Variants in SHISAL1 observed in about 807,000 individuals in gnomAD.
SHISAL1 encodes protein shisa-like-1.
SHISAL1 carries 9 observed loss-of-function variants against 22.6 expected under a neutral mutation model. The observed-to-expected ratio is 0.40, with a 90% CI of 0.24 to 0.70. SHISAL1 has a LOEUF of 0.70. SHISAL1 is among the 30% of genes least tolerant of loss of function. The pLI is 0.39. For synonymous variants in SHISAL1, 119 were observed against 115.4 expected, an observed-to-expected ratio of 1.03 and a Z score of -0.20; for missense variants, 246 against 270.6, an observed-to-expected ratio of 0.91 and a Z score of 0.64.
chr22:44,292,782 C>A (rs1017668809), intron 3 of SHISAL1, among the ~76,000 whole-genome samples: 2 of 152,254 alleles, frequency 1.3e-5, no homozygotes, highest in African/African-American at 4.8e-5. Flanking sequence ...GTCCTCTCCC[C>A]AAGGTCCTTG....
At chr22:44,327,244 AC>A in the SHISAL1 span, among the ~76,000 whole-genome samples, 1 of 34,970 alleles carries the variant, frequency 2.9e-5, no homozygotes, top group Non-Finnish European at 9.9e-5. Flanking sequence ...GGGCGCGCAC[AC>A]ACACACACAC....
chr22:44,261,819 G>A (rs763104936), intron 4 of SHISAL1, among the ~76,000 whole-genome samples: 3 of 152,232 alleles, frequency 2.0e-5, no homozygotes, highest in Non-Finnish European at 2.9e-5. Context: ...GCCCTGATGC[G>A]GGGGTCATGT....
At chr22:44,280,107 G>C (rs2055266008) in intron 4 of SHISAL1, among the ~76,000 whole-genome samples, 1 of 152,170 alleles carries the variant, frequency 6.6e-6, no homozygotes, top group Non-Finnish European at 1.5e-5. Flanking sequence ...CTAGACCTCA[G>C]GGCAGGTTTT....
intron 3 of SHISAL1, among the ~76,000 whole-genome samples, chr22:44,293,784 A>T (rs1215030436): frequency 6.6e-6 from 1 of 152,142 alleles, no homozygotes; most frequent in Non-Finnish European, 1.5e-5. Flanking sequence ...CAGCTATATT[A>T]TGTGCTCCAT....
At chr22:44,323,554 A>C in the SHISAL1 span, among the ~76,000 whole-genome samples, 1 of 136,908 alleles carries the variant, frequency 7.3e-6, no homozygotes, top group Non-Finnish European at 1.6e-5. Context: ...TCATCCATCC[A>C]TCCATCCACC....
chr22:44,305,265 C>T (rs2055462314), intron 1 of SHISAL1, among the ~76,000 whole-genome samples: 2 of 152,244 alleles, frequency 1.3e-5, no homozygotes, highest in Non-Finnish European at 1.5e-5. Context: ...CGGGGCCAGG[C>T]CCTGGGCTGG....
At position 44,249,573 on chromosome 22, in the gene SHISAL1, C is replaced by A. The variant is rs1378107562; in HGVS notation, c.*112G>T. On this transcript the variant is annotated 3_prime_UTR_variant, in exon 5 of 5. Transcript: ENST00000381176. ...ACAGGCAGCATTTCCTCCTGTGCCA[C>A]CGCCGCTACCTCGGCTGTCCCTGGC... The A allele has an allele frequency of 2.7e-6, 2 of 739,398 alleles. No homozygotes were observed. Among genetic ancestry groups the A allele is most frequent in the Non-Finnish European group, 5.0e-6 (2 of 398,636 alleles). The allele number at this position is 739,398 out of a possible 1,614,324, so 45.8% of individuals were successfully genotyped here.
upstream of SHISAL1, among the ~76,000 whole-genome samples, chr22:44,313,345 G>A (rs983281210): frequency 2.6e-5 from 4 of 152,218 alleles, no homozygotes; most frequent in African/African-American, 4.8e-5. Flanking sequence ...AGCATGGCCC[G>A]GGGAGGGGTG....
At chr22:44,261,152 TAAA>T (rs67889344) in intron 4 of SHISAL1, among the ~76,000 whole-genome samples, 9 of 140,490 alleles carry the variant, frequency 6.4e-5, no homozygotes, top group Non-Finnish European at 7.7e-5. Context: ...CAATGACTTT[TAAA>T]AAAAAAAAAT....
intron 1 of SHISAL1, among the ~76,000 whole-genome samples, chr22:44,312,171 G>A (rs531633169): frequency 2.6e-5 from 4 of 152,320 alleles, no homozygotes; most frequent in South Asian, 2.1e-4. Context: ...CCTTGAAGGC[G>A]TATTCGGAGG....
chr22:44,252,684 A>AG (rs1456302696), intron 4 of SHISAL1, among the ~76,000 whole-genome samples: 2 of 151,518 alleles, frequency 1.3e-5, no homozygotes, highest in Non-Finnish European at 2.9e-5. Context: ...AGAATGATTC[A>AG]GCAAGGTTTC....
At chr22:44,308,614 C>T (rs951574669) in intron 1 of SHISAL1, among the ~76,000 whole-genome samples, 6 of 152,224 alleles carry the variant, frequency 3.9e-5, no homozygotes, top group Non-Finnish European at 1.5e-5. Context: ...TCTGACTTCC[C>T]CCGTCCCCAG....
rs904599130 is a variant in SHISAL1 at position 44,280,943 on chromosome 22, C to T, written c.599+4485G>A. On this transcript the variant is annotated intron_variant, in intron 4 of 4. Coordinates refer to ENST00000381176, the MANE Select transcript of SHISAL1 (RefSeq NM_001099294.2). ...ATAATGACCATCACAACCATGAGAGCGGCACCTCCCAGGACCCAGGCCACA... is the reference window on the plus strand; with the variant it reads ...ATAATGACCATCACAACCATGAGAGTGGCACCTCCCAGGACCCAGGCCACA... Among the ~76,000 whole-genome samples the T allele has an allele frequency of 4.6e-5, 7 of 152,242 alleles. No individual in the cohort carries two copies. The East Asian group carries it at 1.2e-3, about 25-fold the overall frequency.
At chr22:44,318,316 G>T in the SHISAL1 span, among the ~76,000 whole-genome samples, 1 of 152,260 alleles carries the variant, frequency 6.6e-6, no homozygotes, top group African/African-American at 2.4e-5. Context: ...CTGTTGCTTT[G>T]GGGGAGTGTT....
intron 1 of SHISAL1, among the ~76,000 whole-genome samples, chr22:44,304,605 T>C (rs566273538): frequency 6.6e-6 from 1 of 152,274 alleles, no homozygotes; most frequent in East Asian, 1.9e-4. Flanking sequence ...AGCTGCTTAA[T>C]TGCTCTGAGC....
At chr22:44,330,504 C>T in the SHISAL1 span, among the ~76,000 whole-genome samples, 2 of 152,188 alleles carry the variant, frequency 1.3e-5, no homozygotes, top group Non-Finnish European at 2.9e-5. Context: ...CATAACTCCC[C>T]TTCCCTGTCG....
intron 1 of SHISAL1, among the ~76,000 whole-genome samples, chr22:44,308,571 G>A (rs377241497): frequency 2.0e-5 from 3 of 152,270 alleles, no homozygotes; most frequent in African/African-American, 4.8e-5. Flanking sequence ...CTTCCCCCGT[G>A]ATTCTCTCAC....
intron 4 of SHISAL1, 89 bp from the exon 5 acceptor site, chr22:44,249,774 T>C: frequency 1.3e-6 from 1 of 763,372 alleles, no homozygotes. Context: ...AGAAGCCAGG[T>C]TTTCTCTGAG....
At chr22:44,331,338 C>T in the SHISAL1 span, among the ~76,000 whole-genome samples, 1 of 151,600 alleles carries the variant, frequency 6.6e-6, no homozygotes, top group Admixed American at 6.6e-5. The surrounding 1 kb of genome is among the most constrained non-coding windows in gnomAD (Gnocchi z 5.2). Flanking sequence ...ACCCCTTCTC[C>T]GGAGCCCCGC....
Sources: gnomAD v4.1 joint callset for allele counts (sites outside exome capture counted in the v4.1 genomes callset) on GRCh38, gnomAD v4.1.1 for gene constraint, Gnocchi (gnomAD v3.1) non-coding constraint, MANE v1.5 for transcripts, NCBI Gene and HGNC (gene_info 2026-07-23, HGNC 2026-07-21) for gene names.